USP32: variants seen among roughly 807,000 people sequenced by gnomAD.
USP32 encodes ubiquitin carboxyl-terminal hydrolase 32.
In USP32, 59 loss-of-function variants were observed where a neutral mutation model predicts 204.8. The ratio of observed to expected loss-of-function variants is 0.29; its 90% CI spans 0.23 to 0.36. The LOEUF is 0.36. Ranked by LOEUF, USP32 falls within the 10% of genes least tolerant of loss-of-function variation. The pLI is 1.00. For synonymous variants in USP32, 517 were observed against 678.4 expected, an observed-to-expected ratio of 0.76 and a Z score of 3.70; for missense variants, 1,160 against 1,946.4, an observed-to-expected ratio of 0.60 and a Z score of 7.60.
At chr17:60,252,789 T>C (rs1461542586) in intron 10 of USP32, among the ~76,000 whole-genome samples, 1 of 152,182 alleles carries the variant, frequency 6.6e-6, no homozygotes, top group Non-Finnish European at 1.5e-5. Context: ...ACCAAAACAC[T>C]CAGCCATGTG....
chr17:60,195,800 T>C (rs1275769523), intron 27 of USP32, among the ~76,000 whole-genome samples: 2 of 152,250 alleles, frequency 1.3e-5, no homozygotes, highest in African/African-American at 4.8e-5. Context: ...TACACCTTTT[T>C]GTTGATGACA....
At chr17:60,256,628 T>C (rs558707371) in intron 9 of USP32, 3 of 976,990 alleles carry the variant, frequency 3.1e-6, no homozygotes, top group East Asian at 2.1e-4. Flanking sequence ...CCCAAAGACA[T>C]ACACGTTAGG....
chr17:60,266,793 T>C (rs2086603936), intron 7 of USP32, among the ~76,000 whole-genome samples: 1 of 152,034 alleles, frequency 6.6e-6, no homozygotes, highest in African/African-American at 2.4e-5. Context: ...AAGCTGGGAC[T>C]ATAGACACGT....
At chr17:60,239,948 G>A (rs1478135440) in intron 11 of USP32, among the ~76,000 whole-genome samples, 3 of 152,156 alleles carry the variant, frequency 2.0e-5, no homozygotes, top group South Asian at 4.1e-4. Flanking sequence ...TGTTGGCCAG[G>A]CTGGTCTCGA....
chr17:60,305,708 C>T (rs936054049), intron 2 of USP32, among the ~76,000 whole-genome samples: 1 of 152,144 alleles, frequency 6.6e-6, no homozygotes, highest in African/African-American at 2.4e-5. Flanking sequence ...TTCACTGTAT[C>T]TTGATAATCC....
In USP32 at chr17:60,338,444, G is replaced by C. The variant is rs567182886; in HGVS notation, c.186+7037C>G. Among the ~76,000 whole-genome samples the C allele has an allele frequency of 4.4e-4, 67 of 152,222 alleles. No individual in the cohort carries two copies. In the East Asian group the frequency reaches 0.011, roughly 25 times the overall value. On this transcript the variant is annotated intron_variant, in intron 2 of 33. Coordinates refer to ENST00000300896, the MANE Select transcript of USP32 (RefSeq NM_032582.4). ...TAAAAACACTAGACAATTCAGAGTT[G>C]GTGAGGCCAGGCATGGTAGCGCACA...
intron 1 of USP32, among the ~76,000 whole-genome samples, chr17:60,357,062 G>A (rs1335214615): frequency 1.3e-5 from 2 of 152,004 alleles, no homozygotes; most frequent in East Asian, 1.9e-4. Context: ...CACTCCAGCT[G>A]GGACAACAGA....
chr17:60,354,516 A>T (rs901199142), intron 1 of USP32, among the ~76,000 whole-genome samples: 3 of 152,236 alleles, frequency 2.0e-5, no homozygotes, highest in Non-Finnish European at 4.4e-5. Flanking sequence ...ATAATGCAGC[A>T]AAGAAAACAC....
intron 2 of USP32, among the ~76,000 whole-genome samples, chr17:60,326,459 G>A (rs369003287): frequency 1.3e-5 from 2 of 152,072 alleles, no homozygotes; most frequent in South Asian, 4.2e-4. Flanking sequence ...TACAGGCACC[G>A]ACAACCATGC....
At chr17:60,248,654 A>T (rs1381058777) in intron 11 of USP32, among the ~76,000 whole-genome samples, 2 of 152,112 alleles carry the variant, frequency 1.3e-5, no homozygotes, top group African/African-American at 2.4e-5. Flanking sequence ...ATTCTGTTTT[A>T]AATTTTTATT....
intron 28 of USP32, among the ~76,000 whole-genome samples, chr17:60,191,227 C>A (rs559984500): frequency 6.6e-6 from 1 of 151,468 alleles, no homozygotes; most frequent in East Asian, 2.0e-4. Context: ...CATGGTGAAA[C>A]CCTGTCTCTA....
At chr17:60,225,952 CAAA>C (rs11309727) in intron 13 of USP32, 84 bp downstream of exon 13, 19,282 of 985,444 alleles carry the variant, frequency 0.02, no homozygotes, top group South Asian at 0.024. Flanking sequence ...AACTCAGTCT[CAAA>C]AAAAAAAAAA....
chr17:60,312,004 T>C (rs1015078371), intron 2 of USP32, among the ~76,000 whole-genome samples: 1 of 152,244 alleles, frequency 6.6e-6, no homozygotes, highest in Non-Finnish European at 1.5e-5. Flanking sequence ...TGTTTTATCA[T>C]GGCTTTTAGA....
At chr17:60,193,866 C>T (rs563317628) in intron 27 of USP32, among the ~76,000 whole-genome samples, 29 of 152,172 alleles carry the variant, frequency 1.9e-4, no homozygotes, top group East Asian at 1.2e-3. Context: ...TGTCTAGTAC[C>T]ATGTCCAAAT....
intron 1 of USP32, among the ~76,000 whole-genome samples, chr17:60,349,263 A>G (rs1249649415): frequency 6.6e-6 from 1 of 150,948 alleles, no homozygotes; most frequent in East Asian, 1.9e-4. Flanking sequence ...TTGAAGAACT[A>G]CTTGGTAATA....
chr17:60,370,186 GA>G (rs921384424), intron 1 of USP32, among the ~76,000 whole-genome samples: 5 of 151,010 alleles, frequency 3.3e-5, no homozygotes, highest in African/African-American at 1.2e-4. Context: ...AAAAGTAAAA[GA>G]AAAAATTATA....
chr17:60,349,615 A>AT (rs1274587718), intron 1 of USP32, among the ~76,000 whole-genome samples: 2 of 74,362 alleles, frequency 2.7e-5, no homozygotes, highest in African/African-American at 1.2e-4. Context: ...ATATATATAT[A>AT]TATATATATT....
chr17:60,374,394 GT>G (rs993702488), intron 1 of USP32, among the ~76,000 whole-genome samples: 2 of 148,968 alleles, frequency 1.3e-5, no homozygotes, highest in Non-Finnish European at 3.0e-5. Flanking sequence ...TTACAGTTAA[GT>G]TTTGTTTTTT....
chr17:60,280,540 T>C (rs2086944424), intron 5 of USP32, among the ~76,000 whole-genome samples: 3 of 152,236 alleles, frequency 2.0e-5, no homozygotes, highest in Admixed American at 2.0e-4. Context: ...TTACTATATA[T>C]TTGTGTATGA....
Sources: gnomAD v4.1 joint callset for allele counts (sites outside exome capture counted in the v4.1 genomes callset) on GRCh38, gnomAD v4.1.1 for gene constraint, MANE v1.5 for transcripts, NCBI Gene and HGNC (gene_info 2026-07-23, HGNC 2026-07-21) for gene names.